The following MARF1 variants were observed in gnomAD, a reference collection of about 807,000 sequenced individuals.
The protein encoded by MARF1 is limkain-b1.
In MARF1, 24 loss-of-function variants were observed where a neutral mutation model predicts 168.2. The ratio of observed to expected loss-of-function variants is 0.14; its 90% CI spans 0.10 to 0.20. The LOEUF (loss-of-function observed/expected upper bound fraction) is 0.20. Ranked by LOEUF, MARF1 falls within the 10% of genes least tolerant of loss-of-function variation. The probability of loss-of-function intolerance (pLI) is 1.00; values close to 1 mark genes in which losing one functional copy is unlikely to be tolerated. For missense variants in MARF1, 1,744 were observed against 2,143.6 expected (o/e 0.81, Z 3.68); for synonymous variants, 868 against 822.4 (o/e 1.06, Z -0.95).
At position 15,625,353 on chromosome 16, in the gene MARF1, C is replaced by T; in HGVS notation, c.1953+19G>A. On this transcript the variant is annotated intron_variant, in intron 8 of 26. Coordinates refer to ENST00000396368, the MANE Select transcript of MARF1 (RefSeq NM_014647.4). ...CAAACCTACCATAAACTTCAGAAAG[C>T]AAGAGGTATCAAAATTACCTGTAAA... 1.3e-6 allele frequency: 2 copies of T among 1,586,240 alleles called. No homozygotes were observed. The highest frequency in any genetic ancestry group is 1.7e-6 in the Non-Finnish European group (2 of 1,167,226).
At chr16:15,633,528 ACTTAGACT>A in intron 5 of MARF1, 81 bp downstream of exon 5, 1 of 1,014,172 alleles carries the variant, frequency 9.9e-7, no homozygotes, top group Non-Finnish European at 1.4e-6. Context: ...CCTGGGTGAC[ACTTAGACT>A]CTGTCTCAAA....
chr16:15,618,110 C>G (rs1371008478), intron 13 of MARF1, among the ~76,000 whole-genome samples: 1 of 152,166 alleles, frequency 6.6e-6, no homozygotes, highest in Non-Finnish European at 1.5e-5. Context: ...CACGACCAAT[C>G]GGGGCCTCAC....
chr16:15,620,120 G>A (rs916153842), intron 13 of MARF1, among the ~76,000 whole-genome samples: 1 of 152,122 alleles, frequency 6.6e-6, no homozygotes. Context: ...AGTTGAGATT[G>A]TGCCACTGCA....
At chr16:15,601,925 T>C (rs1341634087) in intron 23 of MARF1, 66 bp downstream of exon 23, 25 of 1,302,538 alleles carry the variant, frequency 1.9e-5, no homozygotes, top group Non-Finnish European at 2.7e-5. Flanking sequence ...TTTATTTTTC[T>C]GTTCAGGACA....
intron 23 of MARF1, chr16:15,600,993 A>C: frequency 1.5e-6 from 1 of 650,544 alleles, no homozygotes; most frequent in Non-Finnish European, 2.8e-6. Context: ...TGGCATATAA[A>C]TTAAGGTAGT....
intron 7 of MARF1, among the ~76,000 whole-genome samples, chr16:15,628,526 A>C (rs2035029538): frequency 6.6e-6 from 1 of 151,788 alleles, no homozygotes. Context: ...CTCCTGTCTC[A>C]GCCTCCCAAG....
intron 1 of MARF1, among the ~76,000 whole-genome samples, chr16:15,639,509 T>C (rs966832419): frequency 2.0e-5 from 3 of 152,190 alleles, no homozygotes; most frequent in African/African-American, 7.2e-5. Flanking sequence ...CAAGCGATTT[T>C]TCTGCCTCAG....
intron 16 of MARF1, among the ~76,000 whole-genome samples, chr16:15,614,313 T>C (rs1266137940): frequency 7.0e-6 from 1 of 142,490 alleles, no homozygotes; most frequent in Non-Finnish European, 1.5e-5. Context: ...AAACCCTGTC[T>C]CTACTAAAAA....
chr16:15,616,451 C>T (rs2034049718), intron 15 of MARF1, among the ~76,000 whole-genome samples: 1 of 152,174 alleles, frequency 6.6e-6, no homozygotes, highest in South Asian at 2.1e-4. Context: ...GTGGAGATTT[C>T]GACTGCAGCA....
In MARF1 at chr16:15,614,332, A is replaced by C. The variant is rs530766282; in HGVS notation, c.3253+1498T>G. Among the ~76,000 whole-genome samples, 16 of 150,188 alleles carry C rather than the reference A, an allele frequency of 1.1e-4. No homozygotes were observed. In the East Asian group the frequency reaches 2.6e-3, roughly 24 times the overall value. On this transcript the variant is annotated intron_variant, in intron 16 of 26. Coordinates refer to ENST00000396368, the MANE Select transcript of MARF1 (RefSeq NM_014647.4). Reference sequence around the variant, plus strand: ...CCTGTCTCTACTAAAAATACAAAAAAAATAGCCGGGCGTGGTGGCAGGCGT... The same window carrying C: ...CCTGTCTCTACTAAAAATACAAAAACAATAGCCGGGCGTGGTGGCAGGCGT...
At chr16:15,633,000 C>A (rs1464918997) in intron 5 of MARF1, among the ~76,000 whole-genome samples, 1 of 152,002 alleles carries the variant, frequency 6.6e-6, no homozygotes, top group African/African-American at 2.4e-5. Context: ...CATATATAAC[C>A]ATTATACCAG....
intron 3 of MARF1, 180 bp downstream of exon 3, chr16:15,635,476 A>T: frequency 1.7e-6 from 1 of 580,048 alleles, no homozygotes; most frequent in Non-Finnish European, 3.0e-6. Context: ...TTTTTGAATG[A>T]TCTCCCATCT....
At chr16:15,634,627 G>A in intron 4 of MARF1, 130 bp downstream of exon 4, 1 of 793,180 alleles carries the variant, frequency 1.3e-6, no homozygotes, top group Non-Finnish European at 1.9e-6. Context: ...CCAAGATATG[G>A]AATTGGAGAC....
chr16:15,614,788 G>A (rs1219274523), intron 16 of MARF1, among the ~76,000 whole-genome samples: 4 of 150,638 alleles, frequency 2.7e-5, no homozygotes, highest in African/African-American at 4.9e-5. Context: ...GCAAGACTCC[G>A]TCTCAAAAAA....
Position 15,624,781 on chromosome 16 carries a change from G to C in MARF1, c.2258C>G (p.Ser753Cys). 1.2e-6 allele frequency: 2 copies of C among 1,614,118 alleles called. 1 individual carries two copies. The highest frequency in any genetic ancestry group is 2.2e-5 in the South Asian group (2 of 91,058). The change falls in exon 10 of 27, where the codon TCT becomes TGT. Residue 753 changes from serine (S) to cysteine (C), a missense_variant. By Grantham distance (112) the Ser-to-Cys change is moderately radical. Around this residue, in one of 7 missense-constraint regions of MARF1, gnomAD observed 270 missense variants for 260.6 expected, o/e 1.04. Transcript: ENST00000396368. ...RQVSPLLASQ[S>C]WSSRSMSPNL... ...AAGCTGGACTCACCTAGAAGACCAAGACTGAGATGCGAGCAGAGGACTGAC... is the reference window on the plus strand; with the variant it reads ...AAGCTGGACTCACCTAGAAGACCAACACTGAGATGCGAGCAGAGGACTGAC...
At position 15,617,054 on chromosome 16, in the gene MARF1, C is replaced by T. The variant is rs2034110870; in HGVS notation, c.3075G>A (p.Leu1025=). 6.2e-7 allele frequency: 1 copy of T among 1,611,464 alleles called. No individual in the cohort carries two copies. The highest frequency in any genetic ancestry group is 8.5e-7 in the Non-Finnish European group (1 of 1,179,420). The change falls in exon 15 of 27, where the codon TTG becomes TTA. Residue 1025 remains leucine, a splice_region_variant and synonymous_variant. Coordinates refer to ENST00000396368, the MANE Select transcript of MARF1 (RefSeq NM_014647.4). The part of the protein sequence containing the change: ...LQTHEGTVPL[L]SFPDCYIAEF... ...ACAAAGGCTTTGAGATGGTTCACCTCAATAAAGGCACGGTGCCCTCGTGGG... is the reference window on the plus strand; with the variant it reads ...ACAAAGGCTTTGAGATGGTTCACCTTAATAAAGGCACGGTGCCCTCGTGGG...
intron 7 of MARF1, among the ~76,000 whole-genome samples, chr16:15,627,575 G>A (rs1271751817): frequency 6.6e-6 from 1 of 152,022 alleles, no homozygotes; most frequent in East Asian, 1.9e-4. Context: ...CGGAGATCAC[G>A]CCACTGCACT....
intron 16 of MARF1, among the ~76,000 whole-genome samples, chr16:15,613,135 T>C (rs1244396749): frequency 1.3e-5 from 2 of 152,208 alleles, no homozygotes; most frequent in African/African-American, 4.8e-5. Flanking sequence ...ATGTGGAACG[T>C]ACCTTTCCAC....
chr16:15,594,667 A>C lies in MARF1; in HGVS notation c.*2026T>G, dbSNP rs559606744. 5.2e-5 allele frequency: 8 copies of C among 152,768 alleles called. No homozygotes were observed. In the South Asian group the frequency reaches 1.4e-3, roughly 28 times the overall value. 9.5% of individuals were successfully genotyped at this position (152,768 alleles called of 1,614,324 possible). ...CAAACATCATTTTACCACATCATTT[A>C]ATTAAGCCTCTGGATAAAAAAATAG... On this transcript the variant is annotated 3_prime_UTR_variant, in exon 27 of 27. Coordinates refer to ENST00000396368, the MANE Select transcript of MARF1 (RefSeq NM_014647.4).
Sources: allele counts gnomAD v4.1 joint callset (sites outside exome capture counted in the v4.1 genomes callset), GRCh38; gene constraint gnomAD v4.1.1; regional missense constraint gnomAD v4.1.1; transcripts MANE v1.5; gene names NCBI Gene and HGNC (gene_info 2026-07-23, HGNC 2026-07-21).